The following ETV6 variants were observed in gnomAD, a reference collection of about 807,000 sequenced individuals.
ETV6 encodes the protein transcription factor ETV6.
A neutral mutation model predicts 51.1 loss-of-function variants in ETV6; 16 were observed. The ratio of observed to expected loss-of-function variants is 0.31; its 90% CI spans 0.21 to 0.48. The LOEUF (loss-of-function observed/expected upper bound fraction) is 0.48, where lower values mean the gene tolerates loss of function less well. Among genes scored for constraint, ETV6 ranks in the 20% least tolerant of loss-of-function variants. The pLI is 0.99. For synonymous variants in ETV6, 240 were observed against 224.1 expected (o/e 1.07, Z -0.64); for missense variants, 458 against 594.8 (o/e 0.77, Z 2.39).
intron 3 of ETV6, among the ~76,000 whole-genome samples, chr12:11,850,641 T>C (rs1488076280): frequency 1.3e-5 from 2 of 152,226 alleles, no homozygotes; most frequent in African/African-American, 4.8e-5. Flanking sequence ...GCTTGTTACA[T>C]AGACCATCTT....
intron 3 of ETV6, chr12:11,840,857 G>A (rs1565546859): frequency 8.8e-6 from 2 of 226,722 alleles, no homozygotes; most frequent in East Asian, 1.1e-4. Context: ...AAATAAATCA[G>A]ACTATCCTAA....
intron 1 of ETV6, among the ~76,000 whole-genome samples, chr12:11,699,286 A>G (rs1864934602): frequency 6.6e-6 from 1 of 152,226 alleles, no homozygotes; most frequent in Non-Finnish European, 1.5e-5. Flanking sequence ...TACACATCCA[A>G]GAGCTAAAAC....
At chr12:11,831,400 A>G (rs559654284) in intron 2 of ETV6, among the ~76,000 whole-genome samples, 104 of 152,140 alleles carry the variant, frequency 6.8e-4, no homozygotes, top group Non-Finnish European at 1.3e-3. Flanking sequence ...TAATTTTTGT[A>G]TTTCAGTAGA....
chr12:11,815,891 T>C (rs1273712024), intron 2 of ETV6, among the ~76,000 whole-genome samples: 1 of 152,206 alleles, frequency 6.6e-6, no homozygotes, highest in Non-Finnish European at 1.5e-5. Context: ...AGAAGGCAGT[T>C]CTATTACAGT....
At chr12:11,817,234 C>T (rs775319713) in intron 2 of ETV6, among the ~76,000 whole-genome samples, 5 of 152,198 alleles carry the variant, frequency 3.3e-5, no homozygotes, top group Non-Finnish European at 7.3e-5. Flanking sequence ...GTCTCCAACG[C>T]ACCAGGTATA....
At chr12:11,694,300 T>C (rs1433279814) in intron 1 of ETV6, among the ~76,000 whole-genome samples, 2 of 152,134 alleles carry the variant, frequency 1.3e-5, no homozygotes, top group South Asian at 2.1e-4. Flanking sequence ...GTGTCCTCGG[T>C]TGAAAAATGG....
intron 2 of ETV6, among the ~76,000 whole-genome samples, chr12:11,793,713 A>G (rs963779937): frequency 6.6e-6 from 1 of 152,170 alleles, no homozygotes; most frequent in African/African-American, 2.4e-5. Flanking sequence ...AAGATCAAGG[A>G]TGAGTAGGTG....
chr12:11,677,534 T>C (rs1864444258), intron 1 of ETV6, among the ~76,000 whole-genome samples: 1 of 152,288 alleles, frequency 6.6e-6, no homozygotes, highest in Non-Finnish European at 1.5e-5. Context: ...CTTTCATGAT[T>C]ACTTTTACTA....
intron 3 of ETV6, among the ~76,000 whole-genome samples, chr12:11,841,858 GGATCACGA>G (rs1221131601): frequency 6.6e-6 from 1 of 152,026 alleles, no homozygotes; most frequent in East Asian, 1.9e-4. Flanking sequence ...CGAGGCGGGC[GGATCACGA>G]GGTCAGGAGA....
chr12:11,725,908 A>G (rs2120949277), intron 1 of ETV6, among the ~76,000 whole-genome samples: 1 of 152,322 alleles, frequency 6.6e-6, no homozygotes, highest in South Asian at 2.1e-4. Context: ...TGCTTCCTGT[A>G]GCGCCTGTAG....
intron 1 of ETV6, among the ~76,000 whole-genome samples, chr12:11,708,526 G>A (rs1373250659): frequency 2.0e-5 from 3 of 152,164 alleles, no homozygotes; most frequent in Admixed American, 1.3e-4. Flanking sequence ...CATCACAGAC[G>A]GCCCAGACTC....
intron 4 of ETV6, among the ~76,000 whole-genome samples, chr12:11,860,491 AG>A (rs561909027): frequency 3.8e-4 from 58 of 152,140 alleles, no homozygotes; most frequent in African/African-American, 1.4e-3. Flanking sequence ...GGAAAATGAC[AG>A]GACCTATCTC....
chr12:11,756,717 A>G lies in ETV6; in HGVS notation c.163+4138A>G, dbSNP rs550821445. Among the ~76,000 whole-genome samples the G allele has an allele frequency of 4.5e-4, 68 of 152,068 alleles. No individual in the cohort carries two copies. In the East Asian group the frequency reaches 0.013, roughly 29 times the overall value. ...CAAAGGCCGCCCTTTTTCTAAACTCATGGGGGAGTGGCTGCTGAAGGGGGC... is the reference window on the plus strand; with the variant it reads ...CAAAGGCCGCCCTTTTTCTAAACTCGTGGGGGAGTGGCTGCTGAAGGGGGC... On this transcript the variant is annotated intron_variant, in intron 2 of 7. Coordinates refer to ENST00000396373, the MANE Select transcript of ETV6 (RefSeq NM_001987.5).
At chr12:11,733,325 G>A (rs564740703) in intron 1 of ETV6, among the ~76,000 whole-genome samples, 11 of 145,772 alleles carry the variant, frequency 7.5e-5, no homozygotes, top group East Asian at 2.1e-4. Context: ...GGAGAATGGC[G>A]TGAATCCGGG....
chr12:11,837,463 CT>C (rs1199928926), intron 2 of ETV6, among the ~76,000 whole-genome samples: 2 of 152,162 alleles, frequency 1.3e-5, no homozygotes, highest in Admixed American at 6.5e-5. Flanking sequence ...CAAAACTACA[CT>C]TTGCAAAGGA....
chr12:11,812,888 G>A (rs965075502), intron 2 of ETV6, among the ~76,000 whole-genome samples: 12 of 152,202 alleles, frequency 7.9e-5, no homozygotes, highest in African/African-American at 2.9e-4. Flanking sequence ...TGGAGACCCC[G>A]GCTGGTCTTT....
chr12:11,785,134 G>C (rs1031855310), intron 2 of ETV6, among the ~76,000 whole-genome samples: 13 of 152,092 alleles, frequency 8.5e-5, no homozygotes, highest in African/African-American at 3.1e-4. Flanking sequence ...TGGGAGAAAG[G>C]AGGGGGAAGT....
chr12:11,738,721 T>C (rs935114900), intron 1 of ETV6, among the ~76,000 whole-genome samples: 2 of 152,176 alleles, frequency 1.3e-5, no homozygotes, highest in African/African-American at 4.8e-5. Context: ...TATTTCACTT[T>C]GTAAAGAACT....
intron 1 of ETV6, among the ~76,000 whole-genome samples, chr12:11,731,479 C>G (rs1237907699): frequency 6.6e-6 from 1 of 152,032 alleles, no homozygotes; most frequent in African/African-American, 2.4e-5. Flanking sequence ...GCTTATTAAA[C>G]TTTTAGACGT....
Sources: gnomAD v4.1 joint callset for allele counts (sites outside exome capture counted in the v4.1 genomes callset) on GRCh38, gnomAD v4.1.1 for gene constraint, MANE v1.5 for transcripts, NCBI Gene and HGNC (gene_info 2026-07-23, HGNC 2026-07-21) for gene names.